Variants in SEMA3D observed in about 807,000 individuals in gnomAD.
The protein encoded by SEMA3D is semaphorin-3D.
Under a neutral mutation model 100.1 loss-of-function variants are expected in SEMA3D, and 84 were observed. That is an observed-to-expected ratio of 0.84 (90% confidence interval 0.70 to 1.01). SEMA3D has a LOEUF of 1.01. SEMA3D is among the 50% of genes least tolerant of loss of function. The pLI is 0.00. For synonymous variants in SEMA3D, 312 were observed against 320.7 expected (o/e 0.97, Z 0.29); for missense variants, 875 against 934.1 (o/e 0.94, Z 0.82).
intron 1 of SEMA3D, among the ~76,000 whole-genome samples, chr7:85,179,865 G>A (rs1791350521): frequency 6.6e-6 from 1 of 152,078 alleles, no homozygotes; most frequent in Admixed American, 6.5e-5. Flanking sequence ...GTTTCACCGT[G>A]TTAGCCAAGA....
chr7:85,184,930 C>A (rs6944978), intron 1 of SEMA3D, among the ~76,000 whole-genome samples: 17,580 of 152,272 alleles, frequency 0.12, 1,353 homozygotes, highest in Middle Eastern at 0.19. Flanking sequence ...GCTGATCACT[C>A]CCAACCCCGA....
chr7:85,166,054 GT>G (rs1386212264), intron 1 of SEMA3D, among the ~76,000 whole-genome samples: 1 of 151,982 alleles, frequency 6.6e-6, no homozygotes, highest in Non-Finnish European at 1.5e-5. Context: ...CAAGAATACG[GT>G]TAATGGCATA....
intron 2 of SEMA3D, chr7:85,143,419 A>G (rs1790111370): frequency 6.4e-6 from 1 of 155,866 alleles, no homozygotes; most frequent in Non-Finnish European, 1.4e-5. Context: ...ACAGCCTACT[A>G]CACATCTAGA....
At chr7:85,129,609 A>T (rs1237372907) in intron 2 of SEMA3D, among the ~76,000 whole-genome samples, 4 of 152,134 alleles carry the variant, frequency 2.6e-5, no homozygotes, top group Non-Finnish European at 4.4e-5. Flanking sequence ...CATTTCAATA[A>T]ATTCCTACAC....
intron 8 of SEMA3D, 151 bp from the exon 9 acceptor site, chr7:85,056,010 G>A: frequency 2.1e-6 from 1 of 470,098 alleles, no homozygotes. Flanking sequence ...GTATACAAAT[G>A]AAGATGACAC....
intron 3 of SEMA3D, among the ~76,000 whole-genome samples, chr7:85,114,769 G>A (rs1404244980): frequency 6.6e-6 from 1 of 152,048 alleles, no homozygotes; most frequent in African/African-American, 2.4e-5. Context: ...TTATATATAA[G>A]AATAAGGGCT....
chr7:85,215,951 C>A, the SEMA3D span, among the ~76,000 whole-genome samples: 12 of 151,976 alleles, frequency 7.9e-5, no homozygotes, highest in African/African-American at 2.9e-4. Flanking sequence ...GCCTATTTTG[C>A]ACTTTTAAGG....
Position 85,073,100 on chromosome 7 carries a change from A to G in SEMA3D, c.376-19T>C, listed in dbSNP as rs1791821636. The G allele has an allele frequency of 6.2e-7, 1 of 1,610,338 alleles. No individual in the cohort carries two copies. The highest frequency in any genetic ancestry group is 2.2e-5 in the East Asian group (1 of 44,780). On this transcript the variant is annotated intron_variant, in intron 5 of 18. Transcript: ENST00000284136. ...ATTCTGTCTGTTGGGCACAAAAATT[A>G]AAAGCATTAACACACAATTCAGGTT...
At chr7:85,082,357 T>C (rs1457950588) in intron 4 of SEMA3D, among the ~76,000 whole-genome samples, 1 of 152,236 alleles carries the variant, frequency 6.6e-6, no homozygotes, top group Non-Finnish European at 1.5e-5. Context: ...CAAGGCTTTT[T>C]TCTTTCTTTT....
At chr7:85,016,393 C>A (rs891760163) in intron 15 of SEMA3D, among the ~76,000 whole-genome samples, 2 of 151,614 alleles carry the variant, frequency 1.3e-5, no homozygotes, top group African/African-American at 4.8e-5. Flanking sequence ...TCTACTCCTC[C>A]TGCCCTACCT....
intron 3 of SEMA3D, among the ~76,000 whole-genome samples, chr7:85,114,107 G>A (rs985129259): frequency 6.6e-6 from 1 of 152,130 alleles, no homozygotes; most frequent in Non-Finnish European, 1.5e-5. Flanking sequence ...GTTGTCATGA[G>A]AGACAAAATG....
At chr7:85,192,211 A>T in the SEMA3D span, among the ~76,000 whole-genome samples, 1 of 152,114 alleles carries the variant, frequency 6.6e-6, no homozygotes, top group Non-Finnish European at 1.5e-5. Flanking sequence ...AACAAAAATG[A>T]AAATGGGTTT....
At chr7:85,076,804 T>C (rs1328265146) in intron 5 of SEMA3D, among the ~76,000 whole-genome samples, 1 of 152,110 alleles carries the variant, frequency 6.6e-6, no homozygotes, top group Non-Finnish European at 1.5e-5. Flanking sequence ...TCTTAAAATC[T>C]TTAAAATAGG....
intron 12 of SEMA3D, among the ~76,000 whole-genome samples, chr7:85,034,648 G>A (rs991401354): frequency 4.0e-5 from 6 of 151,794 alleles, no homozygotes; most frequent in African/African-American, 1.2e-4. Flanking sequence ...ATTAAAAAAT[G>A]GGCTAAGTAC....
intron 1 of SEMA3D, among the ~76,000 whole-genome samples, chr7:85,164,100 T>C (rs1378904328): frequency 6.6e-6 from 1 of 152,116 alleles, no homozygotes; most frequent in Non-Finnish European, 1.5e-5. Context: ...CTCAGAGAAG[T>C]GTAGTGAGTG....
chr7:85,100,367 T>TAA (rs1788709591), intron 3 of SEMA3D, among the ~76,000 whole-genome samples: 5 of 151,300 alleles, frequency 3.3e-5, no homozygotes, highest in Non-Finnish European at 7.4e-5. Context: ...TTATTTATAA[T>TAA]TGTGATATGC....
At chr7:85,020,424 ATGCCTTTC>A in intron 13 of SEMA3D, 103 bp from the exon 14 acceptor site, 2 of 745,052 alleles carry the variant, frequency 2.7e-6, no homozygotes, top group Admixed American at 2.4e-5. Context: ...TTCTCTTTAA[ATGCCTTTC>A]AAAAAACAGA....
intron 1 of SEMA3D, among the ~76,000 whole-genome samples, chr7:85,161,453 C>T (rs2116518168): frequency 6.6e-6 from 1 of 151,954 alleles, no homozygotes; most frequent in African/African-American, 2.4e-5. Flanking sequence ...AAAATTGTTC[C>T]TCCCTCCCCT....
the SEMA3D span, among the ~76,000 whole-genome samples, chr7:85,214,218 T>C: frequency 6.6e-6 from 1 of 152,140 alleles, no homozygotes; most frequent in Non-Finnish European, 1.5e-5. Context: ...ATCCACTCTT[T>C]AGAGTGAAAT....
Sources: gnomAD v4.1 joint callset for allele counts (sites outside exome capture counted in the v4.1 genomes callset) on GRCh38, gnomAD v4.1.1 for gene constraint, MANE v1.5 for transcripts, NCBI Gene and HGNC (gene_info 2026-07-23, HGNC 2026-07-21) for gene names.